Variants in RTN1 observed in about 807,000 individuals in gnomAD.
The protein encoded by RTN1 is reticulon-1.
In RTN1, 25 loss-of-function variants were observed where a neutral mutation model predicts 65.5. That is an observed-to-expected ratio of 0.38 (90% CI 0.28 to 0.53). RTN1 has a LOEUF of 0.53. Ranked by LOEUF, RTN1 falls within the 20% of genes least tolerant of loss-of-function variation. RTN1 has a pLI of 0.79. For missense variants in RTN1, 983 were observed against 1,025.4 expected, an observed-to-expected ratio of 0.96 and a Z score of 0.57; for synonymous variants, 471 against 447.6, an observed-to-expected ratio of 1.05 and a Z score of -0.66.
intron 8 of RTN1, among the ~76,000 whole-genome samples, chr14:59,600,639 G>C (rs1209661630): frequency 1.3e-5 from 2 of 152,060 alleles, no homozygotes; most frequent in African/African-American, 2.4e-5. Flanking sequence ...AGGCAAAACA[G>C]GTTATTTGGA....
chr14:59,710,279 G>C (rs891341164), intron 3 of RTN1, among the ~76,000 whole-genome samples: 3 of 151,992 alleles, frequency 2.0e-5, no homozygotes, highest in Non-Finnish European at 2.9e-5. Context: ...ACACCTGGCT[G>C]GGTCTCCCAA....
At chr14:59,800,312 G>A (rs549259865) in intron 1 of RTN1, among the ~76,000 whole-genome samples, 1 of 152,286 alleles carries the variant, frequency 6.6e-6, no homozygotes, top group African/African-American at 2.4e-5. Context: ...GGGCATAAAT[G>A]CTATTTGCCT....
Position 59,790,538 on chromosome 14 carries a change from G to C in RTN1, c.242-44057C>G, listed in dbSNP as rs141742348. Among the ~76,000 whole-genome samples, 4 of 152,168 alleles carry C rather than the reference G, an allele frequency of 2.6e-5. No individual in the cohort carries two copies. The East Asian group carries it at 7.7e-4, about 29-fold the overall frequency. On this transcript the variant is annotated intron_variant, in intron 1 of 8. Transcript: ENST00000267484. The surrounding 1 kb of genome is among the most constrained non-coding windows in gnomAD (Gnocchi z 4.1). ...TAGAAGCCTGATTTTTCCTCTTCTA[G>C]GGGATTTGGTTTTGTGTGTGAAAGA...
intron 1 of RTN1, among the ~76,000 whole-genome samples, chr14:59,798,356 C>A (rs1334786704): frequency 6.6e-6 from 1 of 152,138 alleles, no homozygotes; most frequent in Admixed American, 6.5e-5. Flanking sequence ...TATTAATTTC[C>A]TATTGCTACT....
intron 1 of RTN1, among the ~76,000 whole-genome samples, chr14:59,805,656 C>T (rs1594750313): frequency 6.6e-6 from 1 of 152,204 alleles, no homozygotes; most frequent in South Asian, 2.1e-4. Context: ...AGAAGTTTGA[C>T]CTAAAAATAT....
intron 1 of RTN1, among the ~76,000 whole-genome samples, chr14:59,765,833 C>T (rs755246082): frequency 7.2e-5 from 11 of 151,836 alleles, no homozygotes; most frequent in East Asian, 1.9e-4. Flanking sequence ...TGGTGTTTGG[C>T]GTCCTCTAAT....
chr14:59,596,636 GTAC>G lies in RTN1; in HGVS notation c.*106_*108del, dbSNP rs547958177. ...TTTAAGGTTTGTCTCTAAGATTATG[GTAC>G]TGGAGGGAGGGGGGAAAGACAATCA... On this transcript the variant is annotated 3_prime_UTR_variant, in exon 9 of 9. Transcript: ENST00000267484. 3.6e-4 allele frequency: 311 copies of G among 853,878 alleles called. 1 individual carries two copies. The African/African-American group carries it at 4.6e-3, about 13-fold the overall frequency. The allele number at this position is 853,878 out of a possible 1,614,324, so 52.9% of individuals were successfully genotyped here.
chr14:59,789,157 C>T (rs1480961733), intron 1 of RTN1, among the ~76,000 whole-genome samples: 1 of 151,554 alleles, frequency 6.6e-6, no homozygotes, highest in African/African-American at 2.4e-5. Flanking sequence ...TTACCATATT[C>T]TTTTGATTTT....
Position 59,755,309 on chromosome 14 carries a change from C to T in RTN1, c.242-8828G>A, listed in dbSNP as rs76620344. Among the ~76,000 whole-genome samples the T allele has an allele frequency of 3.1e-3, 472 of 152,034 alleles. 14 individuals are homozygous for T. The East Asian group carries it at 0.05, about 16-fold the overall frequency. On this transcript the variant is annotated intron_variant, in intron 1 of 8. Coordinates refer to ENST00000267484, the MANE Select transcript of RTN1 (RefSeq NM_021136.3). ...ATGCCAATTATTGTTTGAATAGAGC[C>T]AATATTAACAGGTATAGGGGACATT...
chr14:59,797,917 C>T (rs991297738), intron 1 of RTN1, among the ~76,000 whole-genome samples: 27 of 152,202 alleles, frequency 1.8e-4, no homozygotes, highest in African/African-American at 6.3e-4. Context: ...TAGTCAAATA[C>T]GAGTTTAGTT....
chr14:59,789,438 T>C (rs1466821251), intron 1 of RTN1, among the ~76,000 whole-genome samples: 1 of 152,170 alleles, frequency 6.6e-6, no homozygotes. Context: ...TTGGCATCTA[T>C]TAAAATGATT....
chr14:59,729,091 AT>A (rs1370695221), intron 2 of RTN1, among the ~76,000 whole-genome samples: 2 of 152,196 alleles, frequency 1.3e-5, no homozygotes, highest in Non-Finnish European at 2.9e-5. Context: ...AGTAACCTAT[AT>A]TTAACACTTG....
intron 3 of RTN1, among the ~76,000 whole-genome samples, chr14:59,709,330 T>C (rs1401748072): frequency 6.6e-6 from 1 of 152,214 alleles, no homozygotes; most frequent in Non-Finnish European, 1.5e-5. Context: ...TGCATAATAA[T>C]CTATTTAAAA....
intron 3 of RTN1, among the ~76,000 whole-genome samples, chr14:59,607,914 A>G (rs1489197132): frequency 9.7e-5 from 14 of 144,544 alleles, no homozygotes; most frequent in African/African-American, 1.4e-4. Flanking sequence ...AAAAAAAAAA[A>G]AGAGAGAGAG....
At position 59,750,106 on chromosome 14, in the gene RTN1, T is replaced by G. The variant is rs546888242; in HGVS notation, c.242-3625A>C. Among the ~76,000 whole-genome samples, 99 of 57,984 alleles carry G rather than the reference T, an allele frequency of 1.7e-3. 4 individuals are homozygous for G. Among genetic ancestry groups the G allele is most frequent in the African/African-American group, 0.011 (93 of 8,202 alleles). 38.0% of individuals were successfully genotyped at this position (57,984 alleles called of 152,430 possible). Reference sequence around the variant, plus strand: ...ATAGACATATATATTATATATTATATATTATATATAATATATATTATCTAT... The same window carrying G: ...ATAGACATATATATTATATATTATAGATTATATATAATATATATTATCTAT... On this transcript the variant is annotated intron_variant, in intron 1 of 8. Transcript: ENST00000267484.
In RTN1 at chr14:59,596,480, C is replaced by T; in HGVS notation, c.*265G>A. 3.6e-6 allele frequency: 1 copy of T among 281,308 alleles called. No individual in the cohort carries two copies. The highest frequency in any genetic ancestry group is 7.5e-5 in the South Asian group (1 of 13,288). The allele number at this position is 281,308 out of a possible 1,614,324, so 17.4% of individuals were successfully genotyped here. A position where few individuals can be genotyped will look rare whatever the true frequency, so the allele number is the denominator to read the frequency against. ...AAGAGGGAAAGATAACTTGGGCTCT[C>T]ACCATCATGCACTTTTTTTAGCAAC... is the stretch of plus-strand genomic sequence containing the variant. On this transcript the variant is annotated 3_prime_UTR_variant, in exon 9 of 9. Transcript: ENST00000267484.
chr14:59,727,250 C>A lies in RTN1; in HGVS notation c.1434G>T (p.Glu478Asp). 1 of 1,532,610 alleles carries A rather than the reference C, an allele frequency of 6.5e-7. No individual in the cohort carries two copies. Among genetic ancestry groups the A allele is most frequent in the Non-Finnish European group, 8.8e-7 (1 of 1,139,714 alleles). The allele number at this position is 1,532,610 out of a possible 1,614,324, so 94.9% of individuals were successfully genotyped here. Residue 478 changes from glutamate (E) to aspartate (D), a missense_variant, in exon 3 of 9, where the codon GAG (glutamate) becomes GAT (aspartate). Glu to Asp is a conservative substitution (Grantham distance 45). Transcript: ENST00000267484. This position sits in a 1 kb window ranked among gnomAD's most constrained non-coding sequence, Gnocchi z 4.2. ...IESCDASSAS[E>D]ESPKREQDSP... ...AGTCCTGCTCCCGCTTGGGGCTCTC[C>A]TCCGAGGCCGAGGAGGCGTCGCACG... is the stretch of plus-strand genomic sequence containing the variant.
At chr14:59,694,267 G>C (rs554700775) in intron 3 of RTN1, among the ~76,000 whole-genome samples, 7 of 152,224 alleles carry the variant, frequency 4.6e-5, no homozygotes, top group African/African-American at 1.7e-4. Context: ...AGTAATGCTA[G>C]TGTAATAATT....
At chr14:59,827,566 A>G (rs1887056199) in intron 1 of RTN1, among the ~76,000 whole-genome samples, 1 of 152,170 alleles carries the variant, frequency 6.6e-6, no homozygotes, top group Non-Finnish European at 1.5e-5. Context: ...TATTTAGAAA[A>G]CAATAGAGTC....
Sources: gnomAD v4.1 joint callset for allele counts (sites outside exome capture counted in the v4.1 genomes callset) on GRCh38, gnomAD v4.1.1 for gene constraint, Gnocchi (gnomAD v3.1) non-coding constraint, MANE v1.5 for transcripts, NCBI Gene and HGNC (gene_info 2026-07-23, HGNC 2026-07-21) for gene names.